Variants in NAV2 observed in about 807,000 individuals in gnomAD.
NAV2 encodes the protein neuron navigator 2, also known as helicase, APC down-regulated 1.
A neutral mutation model predicts 223.2 loss-of-function variants in NAV2; 54 were observed. The ratio of observed to expected loss-of-function variants is 0.24; its 90% confidence interval spans 0.19 to 0.30. The LOEUF (loss-of-function observed/expected upper bound fraction) is 0.30, where lower values mean the gene tolerates loss of function less well. NAV2 is among the 10% of genes least tolerant of loss of function. The probability of loss-of-function intolerance (pLI) is 1.00; values close to 1 mark genes in which losing one functional copy is unlikely to be tolerated. For missense variants in NAV2, 2,806 were observed against 3,147.5 expected, an observed-to-expected ratio of 0.89 and a Z score of 2.60; for synonymous variants, 1,279 against 1,239.3, an observed-to-expected ratio of 1.03 and a Z score of -0.67.
chr11:19,749,860 A>G (rs1337412238), intron 1 of NAV2, among the ~76,000 whole-genome samples: 2 of 152,248 alleles, frequency 1.3e-5, no homozygotes, highest in Admixed American at 1.3e-4. Flanking sequence ...GCCGTTTGTC[A>G]TCTGCGGAGA....
intron 1 of NAV2, among the ~76,000 whole-genome samples, chr11:19,446,219 G>C (rs1045492130): frequency 3.3e-5 from 5 of 152,214 alleles, no homozygotes; most frequent in African/African-American, 1.2e-4. Flanking sequence ...AAGTAGCCTC[G>C]TTTGAAGCAC....
At chr11:19,586,638 G>A (rs946672856) in intron 1 of NAV2, among the ~76,000 whole-genome samples, 10 of 152,216 alleles carry the variant, frequency 6.6e-5, no homozygotes, top group African/African-American at 2.4e-4. Flanking sequence ...GTTTGCTGGA[G>A]GTCCACTCCA....
At chr11:20,070,017 A>G (rs1026561995) in intron 22 of NAV2, among the ~76,000 whole-genome samples, 5 of 152,064 alleles carry the variant, frequency 3.3e-5, no homozygotes, top group African/African-American at 1.2e-4. Context: ...TTTTTTAAAA[A>G]CCCTAACGTA....
intron 6 of NAV2, among the ~76,000 whole-genome samples, chr11:19,925,214 G>A (rs937995714): frequency 2.6e-5 from 4 of 152,066 alleles, no homozygotes; most frequent in Non-Finnish European, 2.9e-5. Context: ...TATTCCATCC[G>A]GTTCTGTAGG....
At chr11:19,420,807 T>C (rs1850579961) in intron 1 of NAV2, among the ~76,000 whole-genome samples, 1 of 152,206 alleles carries the variant, frequency 6.6e-6, no homozygotes, top group Non-Finnish European at 1.5e-5. Flanking sequence ...TTTATTTCTT[T>C]TTCTGGGTGC....
chr11:19,607,996 C>T (rs957365582), intron 1 of NAV2, among the ~76,000 whole-genome samples: 1 of 152,188 alleles, frequency 6.6e-6, no homozygotes, highest in Non-Finnish European at 1.5e-5. Flanking sequence ...CACATCAATG[C>T]ATTATCTCAG....
At chr11:19,710,596 G>A (rs148425747), upstream of NAV2, among the ~76,000 whole-genome samples, 219 of 152,322 alleles carry the variant, frequency 1.4e-3, 1 homozygote, top group Middle Eastern at 6.8e-3. Context: ...AAGTTTCCAG[G>A]TAATGCTTCT....
At chr11:19,887,045 A>G (rs1372771023) in intron 5 of NAV2, among the ~76,000 whole-genome samples, 1 of 151,986 alleles carries the variant, frequency 6.6e-6, no homozygotes, top group Non-Finnish European at 1.5e-5. Flanking sequence ...CTGATCAAGC[A>G]CCACTAAGCA....
At chr11:19,348,554 C>T (rs560380261), upstream of NAV2, among the ~76,000 whole-genome samples, 3 of 152,254 alleles carry the variant, frequency 2.0e-5, no homozygotes, top group African/African-American at 7.2e-5. Context: ...TGTCTCATCT[C>T]GAATACAAAG....
At chr11:19,950,888 T>C (rs1042521454) in intron 10 of NAV2, among the ~76,000 whole-genome samples, 2 of 151,958 alleles carry the variant, frequency 1.3e-5, no homozygotes, top group African/African-American at 2.4e-5. Flanking sequence ...AGAAATATGA[T>C]TGGGCAAAAA....
At chr11:19,520,983 T>G (rs1360631204) in intron 1 of NAV2, among the ~76,000 whole-genome samples, 1 of 152,218 alleles carries the variant, frequency 6.6e-6, no homozygotes, top group African/African-American at 2.4e-5. Context: ...GGAAAGGGAA[T>G]GGAAGAACAG....
intron 1 of NAV2, among the ~76,000 whole-genome samples, chr11:19,804,057 G>C (rs549257817): frequency 6.6e-6 from 1 of 152,150 alleles, no homozygotes; most frequent in Non-Finnish European, 1.5e-5. Context: ...TCTGAATCCA[G>C]GTCTACTCAT....
chr11:19,592,365 A>G (rs967251010), intron 1 of NAV2, among the ~76,000 whole-genome samples: 3 of 151,976 alleles, frequency 2.0e-5, no homozygotes, highest in Non-Finnish European at 2.9e-5. Context: ...AATCCTCAAA[A>G]CAATTCCAAA....
intron 1 of NAV2, among the ~76,000 whole-genome samples, chr11:19,497,987 T>G (rs2042851357): frequency 6.6e-6 from 1 of 152,342 alleles, no homozygotes; most frequent in Admixed American, 6.5e-5. Flanking sequence ...GAGGTCGTTT[T>G]GTCATCGTCG....
intron 10 of NAV2, among the ~76,000 whole-genome samples, chr11:19,962,757 C>CA (rs1303513499): frequency 6.6e-6 from 1 of 152,084 alleles, no homozygotes; most frequent in African/African-American, 2.4e-5. Context: ...TTTTGAGACC[C>CA]AAAAATGAAA....
intron 11 of NAV2, among the ~76,000 whole-genome samples, chr11:19,985,379 G>C (rs2050689013): frequency 6.6e-6 from 1 of 152,116 alleles, no homozygotes; most frequent in South Asian, 2.1e-4. Flanking sequence ...CCACTAACTT[G>C]AATGTGTCCT....
chr11:19,555,938 C>G (rs1293193024), intron 1 of NAV2, among the ~76,000 whole-genome samples: 1 of 152,056 alleles, frequency 6.6e-6, no homozygotes, highest in Non-Finnish European at 1.5e-5. Context: ...GCTGGACACC[C>G]TTGAGTGGGT....
intron 1 of NAV2, among the ~76,000 whole-genome samples, chr11:19,723,995 G>T (rs758750542): frequency 6.6e-5 from 10 of 152,204 alleles, no homozygotes; most frequent in Non-Finnish European, 1.5e-4. Context: ...CCTCCATTTA[G>T]GTGACAAAAC....
At position 19,788,413 on chromosome 11, in the gene NAV2, C is replaced by T. The variant is rs186470393; in HGVS notation, c.268-44071C>T. 2.6e-5 allele frequency among the ~76,000 whole-genome samples: 4 copies of T among 152,336 alleles called. No homozygotes were observed. The East Asian group carries it at 7.7e-4, about 29-fold the overall frequency. ...TCCTTGAGTCCTCCTCTTCTGCATT[C>T]ATTCATCCTAATAGCAAATGCTTCC... On this transcript the variant is annotated intron_variant, in intron 1 of 37. Coordinates refer to ENST00000349880, the MANE Select transcript of NAV2 (RefSeq NM_145117.5).
Sources: gnomAD v4.1 joint callset for allele counts (sites outside exome capture counted in the v4.1 genomes callset) on GRCh38, gnomAD v4.1.1 for gene constraint, MANE v1.5 for transcripts, NCBI Gene and HGNC (gene_info 2026-07-23, HGNC 2026-07-21) for gene names.